Variants in TOX3 observed in about 807,000 individuals in gnomAD.
TOX3 encodes CAG trinucleotide repeat-containing gene F9 protein.
In TOX3, 22 loss-of-function variants were observed where a neutral mutation model predicts 64.3. The ratio of observed to expected loss-of-function variants is 0.34; its 90% CI spans 0.24 to 0.49. TOX3 has a LOEUF of 0.49. TOX3 is among the 20% of genes least tolerant of loss of function. The pLI is 0.99. For synonymous variants in TOX3, 291 were observed against 273.6 expected (o/e 1.06, Z -0.63); for missense variants, 661 against 714.4 (o/e 0.93, Z 0.85).
Position 52,546,822 on chromosome 16 carries a change from G to GGAGGA in TOX3, c.-100_-99insTCCTC. 9 of 1,275,556 alleles carry GGAGGA rather than the reference G, an allele frequency of 7.1e-6. No individual in the cohort carries two copies. Among genetic ancestry groups the GGAGGA allele is most frequent in the South Asian group, 2.5e-5 (1 of 39,912 alleles). 79.0% of individuals were successfully genotyped at this position (1,275,556 alleles called of 1,614,324 possible). A position where few individuals can be genotyped will look rare whatever the true frequency, so the allele number is the denominator to read the frequency against. ...TAGATCCACCGTCGAGGGCGCCCGG[G>GGAGGA]GGTGGCGCGTGGGACTCGCGGCCGG... is the stretch of plus-strand genomic sequence containing the variant. On this transcript the variant is annotated 5_prime_UTR_variant, in exon 1 of 7. Transcript: ENST00000219746.
At chr16:52,448,301 C>G (rs1272544394) in intron 4 of TOX3, among the ~76,000 whole-genome samples, 1 of 152,168 alleles carries the variant, frequency 6.6e-6, no homozygotes, top group Non-Finnish European at 1.5e-5. Context: ...TAGACCCTCG[C>G]TTAAAATGGA....
chr16:52,439,471 C>T lies in TOX3; in HGVS notation c.1485G>A (p.Gln495=), dbSNP rs376306249. 7 of 1,342,746 alleles carry T rather than the reference C, an allele frequency of 5.2e-6. No individual in the cohort carries two copies. The Admixed American group carries it at 7.9e-5, about 15-fold the overall frequency. 83.2% of individuals were successfully genotyped at this position (1,342,746 alleles called of 1,614,324 possible). The stretch of plus-strand genomic sequence containing the variant: ...GTTGATTAATTTGCTGCTGGAGATG[C>T]TGCTGCTGCTGCTGCAGGTGCTGCT... The part of the protein sequence containing the change: ...HMQQHLQQQQ[Q]HLQQQINQQQ... Residue 495 remains glutamine, a synonymous_variant, in exon 7 of 7, where the codon CAG becomes CAA. Transcript: ENST00000219746.
chr16:52,463,869 T>G (rs945885405), intron 3 of TOX3, 65 bp downstream of exon 3: 4 of 1,463,238 alleles, frequency 2.7e-6, no homozygotes, highest in Non-Finnish European at 3.6e-6. Context: ...ACATGGACTC[T>G]CAGATCTTTA....
At chr16:52,520,942 C>T (rs1962593680) in intron 1 of TOX3, among the ~76,000 whole-genome samples, 3 of 152,084 alleles carry the variant, frequency 2.0e-5, no homozygotes, top group Admixed American at 2.0e-4. Context: ...CAAAAGGACA[C>T]TTTATTTCAT....
At chr16:52,504,021 T>C (rs971375732) in intron 1 of TOX3, among the ~76,000 whole-genome samples, 1 of 152,184 alleles carries the variant, frequency 6.6e-6, no homozygotes, top group Non-Finnish European at 1.5e-5. Context: ...ATGAGATATT[T>C]AATAAATAAT....
At chr16:52,499,582 G>T (rs1961948992) in intron 1 of TOX3, among the ~76,000 whole-genome samples, 1 of 152,178 alleles carries the variant, frequency 6.6e-6, no homozygotes, top group South Asian at 2.1e-4. Context: ...TGAGGTCAAA[G>T]GACTTTTTTT....
At chr16:52,473,651 C>G (rs1029910037) in intron 1 of TOX3, among the ~76,000 whole-genome samples, 1 of 152,286 alleles carries the variant, frequency 6.6e-6, no homozygotes, top group South Asian at 2.1e-4. Flanking sequence ...TTTCAAGACA[C>G]AAAGCCCAAA....
intron 1 of TOX3, among the ~76,000 whole-genome samples, chr16:52,525,106 T>G (rs1005173407): frequency 1.3e-5 from 2 of 152,230 alleles, no homozygotes; most frequent in African/African-American, 4.8e-5. Context: ...CCGTGCTTTG[T>G]GTGTGCTGAT....
At chr16:52,505,319 T>C (rs931062807) in intron 1 of TOX3, among the ~76,000 whole-genome samples, 5 of 152,182 alleles carry the variant, frequency 3.3e-5, no homozygotes, top group African/African-American at 1.2e-4. Flanking sequence ...GTGCCACCAA[T>C]AGCTCTAATT....
At chr16:52,504,092 A>G (rs1291390210) in intron 1 of TOX3, among the ~76,000 whole-genome samples, 3 of 152,194 alleles carry the variant, frequency 2.0e-5, no homozygotes, top group African/African-American at 7.2e-5. Context: ...TGAGGGTAGC[A>G]TATGCCAGCC....
chr16:52,441,107 G>T (rs1751543633), intron 6 of TOX3, among the ~76,000 whole-genome samples: 1 of 152,054 alleles, frequency 6.6e-6, no homozygotes, highest in South Asian at 2.1e-4. Context: ...AGAATTAAAT[G>T]AACTCACATG....
intron 1 of TOX3, among the ~76,000 whole-genome samples, chr16:52,477,697 T>A (rs558055313): frequency 6.6e-6 from 1 of 152,286 alleles, no homozygotes; most frequent in East Asian, 1.9e-4. Context: ...TTGCTAGGGG[T>A]CATTGTGTAC....
intron 1 of TOX3, among the ~76,000 whole-genome samples, chr16:52,510,724 C>A (rs533012856): frequency 7.4e-6 from 1 of 135,616 alleles, no homozygotes; most frequent in East Asian, 2.3e-4. Flanking sequence ...CCACTGCACT[C>A]CAGCCTGGGA....
chr16:52,455,920 G>A (rs1960502700), intron 3 of TOX3, among the ~76,000 whole-genome samples: 2 of 152,136 alleles, frequency 1.3e-5, no homozygotes, highest in Admixed American at 1.3e-4. Flanking sequence ...TCCCCGAAGA[G>A]GTGACCTACT....
rs528654458 is a variant in TOX3, at chr16:52,543,553, T to C, written c.87+3084A>G. ...TCATTTGAGCAACATAATGAGTTTT[T>C]ATTTCTTAATATACAGGGTTTAATT... On this transcript the variant is annotated intron_variant, in intron 1 of 6. Coordinates refer to ENST00000219746, the MANE Select transcript of TOX3 (RefSeq NM_001080430.4). Among the ~76,000 whole-genome samples the C allele has an allele frequency of 2.6e-5, 4 of 152,334 alleles. No homozygotes were observed. The South Asian group carries it at 8.3e-4, about 32-fold the overall frequency.
chr16:52,510,885 C>T (rs1359373292), intron 1 of TOX3, among the ~76,000 whole-genome samples: 2 of 151,968 alleles, frequency 1.3e-5, no homozygotes, highest in Non-Finnish European at 2.9e-5. Flanking sequence ...AATGGAACAG[C>T]TTGATATCAT....
chr16:52,450,603 C>T (rs1596779200), intron 3 of TOX3, 57 bp from the exon 4 acceptor site: 2 of 1,604,408 alleles, frequency 1.2e-6, no homozygotes, highest in East Asian at 4.5e-5. Context: ...TATCAGTGAA[C>T]TTATCAGGTT....
chr16:52,547,090 GC>G lies in TOX3; in HGVS notation c.-368del. 2.9e-6 allele frequency: 1 copy of G among 341,616 alleles called. No homozygotes were observed. Among genetic ancestry groups the G allele is most frequent in the Non-Finnish European group, 4.1e-6 (1 of 243,794 alleles). The allele number at this position is 341,616 out of a possible 1,614,324, so 21.2% of individuals were successfully genotyped here. A position where few individuals can be genotyped will look rare whatever the true frequency, so the allele number is the denominator to read the frequency against. On this transcript the variant is annotated 5_prime_UTR_variant, in exon 1 of 7. Coordinates refer to ENST00000219746, the MANE Select transcript of TOX3 (RefSeq NM_001080430.4). ...GGGACGGCGGCGGCGGCGGCGGCTG[GC>G]CCCGCTCCTCCTCCTCCTCCCCGGG...
At chr16:52,519,590 G>T (rs747558290) in intron 1 of TOX3, 213 of 1,231,422 alleles carry the variant, frequency 1.7e-4, no homozygotes, top group East Asian at 4.9e-4. Flanking sequence ...CTGAGCAGAC[G>T]AAAAAAAAAA....
Sources: allele counts gnomAD v4.1 joint callset (sites outside exome capture counted in the v4.1 genomes callset), GRCh38; gene constraint gnomAD v4.1.1; transcripts MANE v1.5; gene names NCBI Gene and HGNC (gene_info 2026-07-23, HGNC 2026-07-21).